LRRC2: variants seen among roughly 807,000 people sequenced by gnomAD.
The protein encoded by LRRC2 is leucine-rich repeat-containing protein 2.
A neutral mutation model predicts 40.2 loss-of-function variants in LRRC2; 27 were observed. The observed-to-expected ratio is 0.67, with a 90% CI of 0.49 to 0.93. LRRC2 has a LOEUF of 0.93. Ranked by LOEUF, LRRC2 falls within the 40% of genes least tolerant of loss-of-function variation. LRRC2 has a pLI of 0.00. For missense variants in LRRC2, 402 were observed against 439.6 expected, an observed-to-expected ratio of 0.91 and a Z score of 0.76; for synonymous variants, 147 against 158.9, an observed-to-expected ratio of 0.92 and a Z score of 0.56.
chr3:46,522,755 C>T (rs1703986804), intron 7 of LRRC2, among the ~76,000 whole-genome samples: 2 of 112,758 alleles, frequency 1.8e-5, no homozygotes, highest in South Asian at 5.7e-4. Flanking sequence ...AGATGAACTA[C>T]TGCTAACACA....
chr3:46,535,659 C>T (rs1347505425), intron 4 of LRRC2, among the ~76,000 whole-genome samples: 1 of 152,124 alleles, frequency 6.6e-6, no homozygotes, highest in Non-Finnish European at 1.5e-5. Flanking sequence ...AATCTTAGGT[C>T]AGTCTTCAGT....
In LRRC2 at chr3:46,541,320, G is replaced by A. The variant is rs555820879; in HGVS notation, c.334-2119C>T. On this transcript the variant is annotated intron_variant, in intron 3 of 8. Coordinates refer to ENST00000395905, the MANE Select transcript of LRRC2 (RefSeq NM_024512.5). ...TGCACTCCAGCCTGGGCGACAGAGC[G>A]AGACTCCGTCTCAAAAAAAAAAAAA... Among the ~76,000 whole-genome samples, 6 of 141,440 alleles carry A rather than the reference G, an allele frequency of 4.2e-5. No homozygotes were observed. In the East Asian group the frequency reaches 6.1e-4, roughly 14 times the overall value. The allele number at this position is 141,440 out of a possible 152,430, so 92.8% of individuals were successfully genotyped here.
intron 4 of LRRC2, among the ~76,000 whole-genome samples, chr3:46,536,497 A>C (rs1704271590): frequency 6.6e-6 from 1 of 152,134 alleles, no homozygotes; most frequent in Non-Finnish European, 1.5e-5. Flanking sequence ...TAGTGTCCCA[A>C]TCCCACATTG....
At chr3:46,538,918 GC>G (rs1704324892) in intron 4 of LRRC2, 126 bp downstream of exon 4, 1 of 1,014,430 alleles carries the variant, frequency 9.9e-7, no homozygotes. Context: ...CCTCCAAACG[GC>G]CCTGCCCAAC....
At chr3:46,561,443 C>T (rs1440205832) in intron 1 of LRRC2, among the ~76,000 whole-genome samples, 2 of 152,060 alleles carry the variant, frequency 1.3e-5, no homozygotes, top group African/African-American at 4.8e-5. Flanking sequence ...GTCCCAGCTA[C>T]TAAGGAGGTT....
chr3:46,543,681 A>C (rs1704454793), intron 3 of LRRC2, among the ~76,000 whole-genome samples: 1 of 151,686 alleles, frequency 6.6e-6, no homozygotes, highest in African/African-American at 2.4e-5. Context: ...ATGATTTTCA[A>C]AAGGTAGATT....
At chr3:46,547,877 A>T (rs1169404275) in intron 2 of LRRC2, among the ~76,000 whole-genome samples, 1 of 152,088 alleles carries the variant, frequency 6.6e-6, no homozygotes, top group Non-Finnish European at 1.5e-5. Flanking sequence ...ACCATATGAT[A>T]AAAATGAATT....
chr3:46,532,231 A>T (rs1704174554), intron 5 of LRRC2, among the ~76,000 whole-genome samples: 1 of 152,184 alleles, frequency 6.6e-6, no homozygotes, highest in South Asian at 2.1e-4. Flanking sequence ...TTAAATAAAA[A>T]TTTCTTGTGT....
chr3:46,543,948 T>G (rs1463843696), intron 3 of LRRC2, among the ~76,000 whole-genome samples: 4 of 132,450 alleles, frequency 3.0e-5, no homozygotes, highest in Non-Finnish European at 5.2e-5. Flanking sequence ...AGAATATTCA[T>G]GCACTTCATC....
chr3:46,540,226 A>G (rs1301849179), intron 3 of LRRC2, among the ~76,000 whole-genome samples: 2 of 152,234 alleles, frequency 1.3e-5, no homozygotes, highest in Admixed American at 6.5e-5. Context: ...CAACAGTACC[A>G]TAAGATAGGC....
At chr3:46,524,400 G>A (rs919903179) in intron 7 of LRRC2, among the ~76,000 whole-genome samples, 30 of 152,192 alleles carry the variant, frequency 2.0e-4, no homozygotes, top group Non-Finnish European at 4.4e-5. Context: ...TTAAGGAGGA[G>A]GTTGGGGGGT....
At chr3:46,530,349 G>T (rs1357872443) in intron 5 of LRRC2, among the ~76,000 whole-genome samples, 2 of 152,152 alleles carry the variant, frequency 1.3e-5, no homozygotes, top group Non-Finnish European at 2.9e-5. Flanking sequence ...GGAGGCTGAG[G>T]TGGACAGATT....
At position 46,519,037 on chromosome 3, in the gene LRRC2, C is replaced by T. The variant is rs746741025; in HGVS notation, c.1093G>A (p.Val365Met). ...TATCAAAGTTGAAGGCTAAAAGACA[C>T]TTTGGTGGTATAGCTGGGAACAGAT... The part of the protein sequence containing the change: ...RESVPSYTTK[V>M]SFSLQL The change falls in exon 9 of 9, where the codon GTG becomes ATG. Residue 365 changes from valine (V) to methionine (M), a missense_variant. By Grantham distance (21) the Val-to-Met change is conservative (BLOSUM62 1). Coordinates refer to ENST00000395905, the MANE Select transcript of LRRC2 (RefSeq NM_024512.5). 6.2e-7 allele frequency: 1 copy of T among 1,610,290 alleles called. No homozygotes were observed. Among genetic ancestry groups the T allele is most frequent in the Non-Finnish European group, 8.5e-7 (1 of 1,176,682 alleles).
chr3:46,533,733 C>CCTTCCTTT (rs1704202253), intron 4 of LRRC2, among the ~76,000 whole-genome samples: 1 of 146,878 alleles, frequency 6.8e-6, no homozygotes, highest in African/African-American at 2.5e-5. Flanking sequence ...TTCCTTCCTT[C>CCTTCCTTT]CTTCCTTCCT....
At chr3:46,519,685 A>G (rs1389256283) in intron 8 of LRRC2, among the ~76,000 whole-genome samples, 2 of 152,234 alleles carry the variant, frequency 1.3e-5, no homozygotes, top group Non-Finnish European at 2.9e-5. Context: ...CCTGATGAGT[A>G]AAAACTCTCA....
chr3:46,521,521 CCT>C lies in LRRC2; in HGVS notation c.1065_1066del (p.Glu356IlefsTer12), dbSNP rs1703964195. 1 of 1,594,990 alleles carries C rather than the reference CCT, an allele frequency of 6.3e-7. No homozygotes were observed. The highest frequency in any genetic ancestry group is 8.5e-7 in the Non-Finnish European group (1 of 1,169,718). ...AATAATTTTAAATATGAGTAACCCA[CCT>C]CTTTCTTTAAGGTCTTCAATATAGG... On this transcript the variant is annotated frameshift_variant and splice_region_variant, in exon 8 of 9. Coordinates refer to ENST00000395905, the MANE Select transcript of LRRC2 (RefSeq NM_024512.5). LOFTEE classifies it high-confidence loss of function.
intron 3 of LRRC2, among the ~76,000 whole-genome samples, chr3:46,543,806 C>T (rs1704458841): frequency 6.6e-6 from 1 of 152,100 alleles, no homozygotes. Context: ...ACAATCCAGA[C>T]ATGCCTCCCT....
At chr3:46,553,795 T>C (rs572905138) in intron 1 of LRRC2, among the ~76,000 whole-genome samples, 1 of 152,320 alleles carries the variant, frequency 6.6e-6, no homozygotes, top group African/African-American at 2.4e-5. Flanking sequence ...GCCAAAATAT[T>C]TAATCTTCTG....
chr3:46,521,804 G>A, intron 7 of LRRC2, 146 bp from the exon 8 acceptor site: 1 of 721,476 alleles, frequency 1.4e-6, no homozygotes, highest in Non-Finnish European at 2.2e-6. Flanking sequence ...CATCACCAGT[G>A]GAATTCCAGT....
Sources: gnomAD v4.1 joint callset for allele counts (sites outside exome capture counted in the v4.1 genomes callset) on GRCh38, gnomAD v4.1.1 for gene constraint, MANE v1.5 for transcripts, NCBI Gene and HGNC (gene_info 2026-07-23, HGNC 2026-07-21) for gene names.